The following ATP11A variants were observed in gnomAD, a reference collection of about 807,000 sequenced individuals.
The protein encoded by ATP11A is ATPase phospholipid transporting 11A, also known as phospholipid-transporting ATPase IH.
In ATP11A, 81 loss-of-function variants were observed where a neutral mutation model predicts 154.4. The ratio of observed to expected loss-of-function variants is 0.52; its 90% CI spans 0.44 to 0.63. ATP11A has a LOEUF of 0.63. ATP11A is among the 30% of genes least tolerant of loss of function. The probability of loss-of-function intolerance (pLI) is 0.00; values close to 1 mark genes in which losing one functional copy is unlikely to be tolerated. For missense variants in ATP11A, 1,316 were observed against 1,474.3 expected, an observed-to-expected ratio of 0.89 and a Z score of 1.76; for synonymous variants, 623 against 585.9, an observed-to-expected ratio of 1.06 and a Z score of -0.91.
At chr13:112,879,421 G>A (rs1460186359) in intron 29 of ATP11A, among the ~76,000 whole-genome samples, 1 of 152,174 alleles carries the variant, frequency 6.6e-6, no homozygotes, top group African/African-American at 2.4e-5. Flanking sequence ...AAGACATTTA[G>A]GATGAAATTA....
intron 20 of ATP11A, 111 bp downstream of exon 20, chr13:112,856,196 T>A (rs963703005): frequency 5.9e-5 from 66 of 1,113,538 alleles, no homozygotes; most frequent in Middle Eastern, 3.1e-4. Flanking sequence ...GGGTACCACC[T>A]GTTAAAAATA....
Position 112,782,712 on chromosome 13 carries a change from G to A in ATP11A, c.40-2423G>A, listed in dbSNP as rs549935704. ...GGAGGGCCCGTCCTCGTGGGGAGGG[G>A]CAGCCAGGCTGTGGCATGGTCAGGG... On this transcript the variant is annotated intron_variant, in intron 1 of 29. Coordinates refer to ENST00000375645, the MANE Select transcript of ATP11A (RefSeq NM_015205.3). Among the ~76,000 whole-genome samples the A allele has an allele frequency of 5.3e-5, 8 of 152,358 alleles. No individual in the cohort carries two copies. The East Asian group carries it at 9.7e-4, about 18-fold the overall frequency.
chr13:112,886,743 TTAAAA>T lies in ATP11A; in HGVS notation c.*4879_*4883del, dbSNP rs753623551. 10 of 152,004 alleles carry T rather than the reference TTAAAA, an allele frequency of 6.6e-5. No individual in the cohort carries two copies. Among genetic ancestry groups the T allele is most frequent in the Admixed American group, 2.6e-4 (4 of 15,262 alleles). 9.4% of individuals were successfully genotyped at this position (152,004 alleles called of 1,614,324 possible). A position where few individuals can be genotyped will look rare whatever the true frequency, so the allele number is the denominator to read the frequency against. On this transcript the variant is annotated 3_prime_UTR_variant, in exon 30 of 30. Transcript: ENST00000375645. ...TTAATATGCATATATTGTGTCTGAC[TTAAAA>T]TTATAATGTCTGCGTCACCATTTAA... is the stretch of plus-strand genomic sequence containing the variant.
intron 1 of ATP11A, among the ~76,000 whole-genome samples, chr13:112,715,372 TCCCCACACC>T (rs1888306159): frequency 1.5e-5 from 1 of 68,670 alleles, no homozygotes; most frequent in African/African-American, 5.4e-5. Flanking sequence ...CTGGCCCACC[TCCCCACACC>T]TGGCCGATCC....
chr13:112,759,716 AT>A lies in ATP11A; in HGVS notation c.40-25412del, dbSNP rs567102513. Among the ~76,000 whole-genome samples, 447 of 152,232 alleles carry A rather than the reference AT, an allele frequency of 2.9e-3. 2 individuals carry two copies. The highest frequency in any genetic ancestry group is 9.9e-3 in the African/African-American group (413 of 41,542). On this transcript the variant is annotated intron_variant, in intron 1 of 29. Transcript: ENST00000375645. ...TCAGTGCCTGTTTTGTAAACTTTTAATTTTTTTAATAGAACAATTTTATTTT... is the reference window on the plus strand; with the variant it reads ...TCAGTGCCTGTTTTGTAAACTTTTAATTTTTTAATAGAACAATTTTATTTT...
intron 27 of ATP11A, among the ~76,000 whole-genome samples, chr13:112,874,322 C>T (rs991237789): frequency 6.6e-6 from 1 of 152,202 alleles, no homozygotes; most frequent in African/African-American, 2.4e-5. Context: ...CCTCCTGGAC[C>T]GCCGGCCGTG....
At position 112,805,040 on chromosome 13, in the gene ATP11A, G is replaced by A. The variant is rs1432660166; in HGVS notation, c.246G>A (p.Leu82=). 1.2e-6 allele frequency: 2 copies of A among 1,607,124 alleles called. No individual in the cohort carries two copies. The highest frequency in any genetic ancestry group is 8.5e-7 in the Non-Finnish European group (1 of 1,176,224). ...ACTTTTATTTCCTTATCATATTTCT[G>A]GTGCAGGTAAGGCCGGTCATTGTTT... ...VANFYFLIIF[L]VQLIIDTPTS... The change falls in exon 3 of 30, where the codon CTG becomes CTA. Residue 82 remains leucine, a synonymous_variant. Transcript: ENST00000375645.
At chr13:112,740,813 G>C (rs1289071776) in intron 1 of ATP11A, among the ~76,000 whole-genome samples, 1 of 152,238 alleles carries the variant, frequency 6.6e-6, no homozygotes, top group Non-Finnish European at 1.5e-5. Context: ...GTGCAGGAAA[G>C]ATCTAGCTGT....
At chr13:112,822,578 C>T (rs773101493) in intron 8 of ATP11A, among the ~76,000 whole-genome samples, 1 of 152,016 alleles carries the variant, frequency 6.6e-6, no homozygotes, top group Admixed American at 6.6e-5. Flanking sequence ...CCCTGAATCT[C>T]ACTGAGGATG....
At chr13:112,708,269 C>T (rs776748584) in intron 1 of ATP11A, among the ~76,000 whole-genome samples, 3 of 152,074 alleles carry the variant, frequency 2.0e-5, no homozygotes, top group Non-Finnish European at 2.9e-5. Context: ...ACTTATTTCT[C>T]GTTGGCAAAA....
chr13:112,691,454 ACT>A (rs1190308982), intron 1 of ATP11A, among the ~76,000 whole-genome samples: 1 of 130,818 alleles, frequency 7.6e-6, no homozygotes. Context: ...ACAGAGCGAG[ACT>A]CTGTATCAAA....
At chr13:112,788,705 A>G (rs1388662786) in intron 2 of ATP11A, among the ~76,000 whole-genome samples, 1 of 151,548 alleles carries the variant, frequency 6.6e-6, no homozygotes, top group Non-Finnish European at 1.5e-5. Context: ...GTGGAGACCT[A>G]CTTAATTCGC....
chr13:112,836,296 TTG>T (rs1167571549), intron 16 of ATP11A, 45 bp downstream of exon 16: 4 of 1,246,828 alleles, frequency 3.2e-6, no homozygotes, highest in Non-Finnish European at 4.6e-6. Context: ...TACGTGGTGG[TTG>T]TGTTTTATTC....
At chr13:112,881,385 G>A (rs1566611728) in intron 29 of ATP11A, 1 of 1,042,874 alleles carries the variant, frequency 9.6e-7, no homozygotes, top group East Asian at 8.8e-5. Flanking sequence ...TCCCTGTGGG[G>A]TGGGGCCTGC....
At position 112,883,226 on chromosome 13, in the gene ATP11A, T is replaced by G. The variant is rs1361430261; in HGVS notation, c.*1360T>G. The G allele has an allele frequency of 5.0e-6, 2 of 398,564 alleles. No individual in the cohort carries two copies. The highest frequency in any genetic ancestry group is 8.8e-6 in the Non-Finnish European group (2 of 226,144). 24.7% of individuals were successfully genotyped at this position (398,564 alleles called of 1,614,324 possible). On this transcript the variant is annotated 3_prime_UTR_variant, in exon 30 of 30. Coordinates refer to ENST00000375645, the MANE Select transcript of ATP11A (RefSeq NM_015205.3). ...CGTCTTAGGATCTGTCCAGCGCTGC[T>G]CTGGGTGGGTTAGCAACCCCAGGGC...
intron 1 of ATP11A, among the ~76,000 whole-genome samples, chr13:112,739,713 A>G (rs442623): frequency 6.6e-6 from 1 of 152,268 alleles, no homozygotes; most frequent in Non-Finnish European, 1.5e-5. Flanking sequence ...ATAGCCAAAG[A>G]GCGGAAGCAT....
intron 1 of ATP11A, among the ~76,000 whole-genome samples, chr13:112,773,947 G>C (rs1214310352): frequency 2.6e-5 from 4 of 152,020 alleles, no homozygotes; most frequent in Admixed American, 2.6e-4. Flanking sequence ...CTTGGGAAGA[G>C]AAGGGGTCCC....
chr13:112,880,494 C>T, intron 29 of ATP11A: 1 of 1,271,706 alleles, frequency 7.9e-7, no homozygotes, highest in East Asian at 5.8e-5. Flanking sequence ...CCCGAGCACT[C>T]CTGGTGGCCC....
intron 1 of ATP11A, among the ~76,000 whole-genome samples, chr13:112,729,686 CCTG>C (rs1203985895): frequency 5.3e-5 from 8 of 152,366 alleles, no homozygotes; most frequent in African/African-American, 1.7e-4. Context: ...CCGCAGCGCT[CCTG>C]CTATTTTTAG....
Sources: allele counts gnomAD v4.1 joint callset (sites outside exome capture counted in the v4.1 genomes callset), GRCh38; gene constraint gnomAD v4.1.1; transcripts MANE v1.5; gene names NCBI Gene and HGNC (gene_info 2026-07-23, HGNC 2026-07-21).